Variants in SDK1 observed in about 807,000 individuals in gnomAD.
The protein encoded by SDK1 is sidekick cell adhesion molecule 1, also known as protein sidekick-1.
A neutral mutation model predicts 245.5 loss-of-function variants in SDK1; 157 were observed. The ratio of observed to expected loss-of-function variants is 0.64; its 90% CI spans 0.56 to 0.73. The LOEUF (loss-of-function observed/expected upper bound fraction) is 0.73. SDK1 is among the 30% of genes least tolerant of loss of function. The pLI, the probability that SDK1 is intolerant of heterozygous loss-of-function variation, is 0.00. For synonymous variants in SDK1, 1,647 were observed against 1,278.5 expected, an observed-to-expected ratio of 1.29 and a Z score of -6.15; for missense variants, 3,583 against 3,002.3, an observed-to-expected ratio of 1.19 and a Z score of -4.52.
At chr7:3,476,925 G>A (rs1165274362) in intron 1 of SDK1, among the ~76,000 whole-genome samples, 2 of 152,140 alleles carry the variant, frequency 1.3e-5, no homozygotes, top group African/African-American at 2.4e-5. Context: ...TCTAACTGGT[G>A]AGGCATGCAG....
chr7:3,821,550 A>C lies in SDK1; in HGVS notation c.814A>C (p.Lys272Gln). 1 of 1,613,992 alleles carries C rather than the reference A, an allele frequency of 6.2e-7. No homozygotes were observed. Among genetic ancestry groups the C allele is most frequent in the Non-Finnish European group, 8.5e-7 (1 of 1,179,952 alleles). Reference sequence around the variant, plus strand: ...CGTGAATGAGAAAAATGGAGAAAACAAGACAAGCCCATTCATTCATTTGAG... The same window carrying C: ...CGTGAATGAGAAAAATGGAGAAAACCAGACAAGCCCATTCATTCATTTGAG... Reference protein sequence around the residue: ...QAVNEKNGENKTSPFIHLSIA... With the variant: ...QAVNEKNGENQTSPFIHLSIA... The change falls in exon 5 of 45, where the codon AAG becomes CAG. Residue 272 changes from lysine (K) to glutamine (Q), a missense_variant. Coordinates refer to ENST00000404826, the MANE Select transcript of SDK1 (RefSeq NM_152744.4).
At chr7:3,740,597 G>A (rs370796174) in intron 4 of SDK1, among the ~76,000 whole-genome samples, 2 of 152,168 alleles carry the variant, frequency 1.3e-5, no homozygotes, top group Non-Finnish European at 2.9e-5. Flanking sequence ...CCCCCTTAGT[G>A]GCTTCAAGGC....
rs1345092676 is a variant in SDK1, at chr7:3,814,364, T to C, written c.714-7086T>C. ...AGTTTTCCCAGCACCATTTATTAAATAGGGAATCCTTTCCCCATTGCTTGT... is the reference window on the plus strand; with the variant it reads ...AGTTTTCCCAGCACCATTTATTAAACAGGGAATCCTTTCCCCATTGCTTGT... On this transcript the variant is annotated intron_variant, in intron 4 of 44. Transcript: ENST00000404826. 8.0e-5 allele frequency among the ~76,000 whole-genome samples: 12 copies of C among 149,554 alleles called. No homozygotes were observed. In the East Asian group the frequency reaches 2.0e-3, roughly 25 times the overall value.
At chr7:3,980,267 C>T (rs1583711682) in intron 13 of SDK1, among the ~76,000 whole-genome samples, 1 of 152,170 alleles carries the variant, frequency 6.6e-6, no homozygotes, top group Non-Finnish European at 1.5e-5. Context: ...ACACACCTTG[C>T]TTCATCTCTC....
At chr7:3,465,681 T>C (rs1780977968) in intron 1 of SDK1, among the ~76,000 whole-genome samples, 2 of 152,282 alleles carry the variant, frequency 1.3e-5, no homozygotes, top group East Asian at 1.9e-4. Context: ...CTGTGTTCTC[T>C]TGTCACCTCC....
chr7:3,814,171 A>C (rs1042121561), intron 4 of SDK1, among the ~76,000 whole-genome samples: 32 of 151,028 alleles, frequency 2.1e-4, no homozygotes, highest in African/African-American at 7.3e-4. Context: ...GCTGTTTTGG[A>C]CATAAAGTCC....
intron 4 of SDK1, among the ~76,000 whole-genome samples, chr7:3,803,000 G>A (rs1428926400): frequency 6.6e-6 from 1 of 152,108 alleles, no homozygotes; most frequent in African/African-American, 2.4e-5. Flanking sequence ...GATTATAATC[G>A]GTGGGTCGAA....
At chr7:3,582,380 C>G (rs966725597) in intron 1 of SDK1, among the ~76,000 whole-genome samples, 1 of 150,294 alleles carries the variant, frequency 6.7e-6, no homozygotes, top group African/African-American at 2.5e-5. Flanking sequence ...GTAGGTCTGT[C>G]TCAGGTAGGT....
intron 1 of SDK1, among the ~76,000 whole-genome samples, chr7:3,566,720 CAA>C (rs908670320): frequency 2.3e-3 from 170 of 72,568 alleles, no homozygotes; most frequent in Non-Finnish European, 3.5e-3. Flanking sequence ...AAACTACTGC[CAA>C]AAAAAAAAAA....
intron 17 of SDK1, among the ~76,000 whole-genome samples, chr7:4,034,908 C>T (rs6953630): frequency 5.3e-5 from 8 of 152,096 alleles, no homozygotes; most frequent in Non-Finnish European, 7.4e-5. Flanking sequence ...TAGAAATCAG[C>T]ATTCTCTGAA....
intron 1 of SDK1, among the ~76,000 whole-genome samples, chr7:3,580,507 G>C (rs962654215): frequency 3.3e-5 from 5 of 152,170 alleles, no homozygotes; most frequent in African/African-American, 1.2e-4. Flanking sequence ...AGAACCATCT[G>C]ATCTTTGACA....
At chr7:4,185,258 A>G (rs537612743) in intron 35 of SDK1, among the ~76,000 whole-genome samples, 5 of 152,204 alleles carry the variant, frequency 3.3e-5, no homozygotes, top group African/African-American at 1.2e-4. Flanking sequence ...GACAGTGTCT[A>G]TGGGTTCCTC....
At chr7:3,436,855 C>T (rs1332547851) in intron 1 of SDK1, among the ~76,000 whole-genome samples, 1 of 152,094 alleles carries the variant, frequency 6.6e-6, no homozygotes, top group Non-Finnish European at 1.5e-5. Context: ...AACTCGTCTA[C>T]CCTCCCCAAG....
At chr7:3,820,162 C>G (rs1212883660) in intron 4 of SDK1, among the ~76,000 whole-genome samples, 5 of 151,856 alleles carry the variant, frequency 3.3e-5, no homozygotes, top group Admixed American at 2.6e-4. Flanking sequence ...TTTTTTCTTT[C>G]TTTTTTGAGA....
At chr7:3,479,968 G>T (rs1056360796) in intron 1 of SDK1, among the ~76,000 whole-genome samples, 12 of 151,768 alleles carry the variant, frequency 7.9e-5, no homozygotes, top group African/African-American at 2.7e-4. Context: ...ATTAGGTACT[G>T]TGATAGGCAG....
At chr7:4,223,652 C>T (rs1430929284) in intron 40 of SDK1, among the ~76,000 whole-genome samples, 4 of 152,184 alleles carry the variant, frequency 2.6e-5, no homozygotes, top group African/African-American at 9.7e-5. Flanking sequence ...CACTCTACTC[C>T]GGCAGGACTT....
intron 4 of SDK1, among the ~76,000 whole-genome samples, chr7:3,806,235 C>T (rs140694605): frequency 6.6e-6 from 1 of 152,258 alleles, no homozygotes; most frequent in African/African-American, 2.4e-5. Context: ...TCCTTAACCT[C>T]ACCATATCTG....
chr7:3,303,366 A>C (rs1779332930), intron 1 of SDK1, among the ~76,000 whole-genome samples: 1 of 152,184 alleles, frequency 6.6e-6, no homozygotes, highest in Admixed American at 6.5e-5. Flanking sequence ...TTTTGCACTA[A>C]GACCTGTACG....
intron 5 of SDK1, among the ~76,000 whole-genome samples, chr7:3,937,748 G>C (rs778125632): frequency 6.6e-6 from 1 of 152,318 alleles, no homozygotes; most frequent in Admixed American, 6.5e-5. Context: ...CCCATTGTCC[G>C]TGTTAATAGC....
Sources: allele counts gnomAD v4.1 joint callset (sites outside exome capture counted in the v4.1 genomes callset), GRCh38; gene constraint gnomAD v4.1.1; transcripts MANE v1.5; gene names NCBI Gene and HGNC (gene_info 2026-07-23, HGNC 2026-07-21).